XG: variants seen among roughly 807,000 people sequenced by gnomAD.
XG encodes the protein Xg glycoprotein (Xg blood group).
XG carries 24 observed loss-of-function variants against 25.7 expected under a neutral mutation model. That is an observed-to-expected ratio of 0.93 (90% CI 0.68 to 1.31). The LOEUF is 1.31. XG is among the 40% of genes most tolerant of loss of function. XG has a pLI of 0.00. For missense variants in XG, 181 were observed against 187.6 expected (o/e 0.96, Z 0.21); for synonymous variants, 77 against 69.2 (o/e 1.11, Z -0.56).
intron 7 of XG, among the ~76,000 whole-genome samples, chrX:2,798,625 C>T (rs1402873312): frequency 9.0e-6 from 1 of 111,225 alleles, no homozygotes; most frequent in East Asian, 2.8e-4. Context: ...TCTGCCTCAG[C>T]CTCCCAAAGT....
chrX:2,788,987 T>C (rs1193025790), intron 4 of XG, among the ~76,000 whole-genome samples: 1 of 111,468 alleles, frequency 9.0e-6, no homozygotes, highest in Non-Finnish European at 1.9e-5. Context: ...TTCCAGCTCT[T>C]TGGGAAGGCA....
intron 4 of XG, among the ~76,000 whole-genome samples, chrX:2,782,697 C>CA (rs765991041): frequency 1.7e-4 from 19 of 111,439 alleles, no homozygotes; most frequent in Non-Finnish European, 3.4e-4. Context: ...CCATCCAGTG[C>CA]AGAGGCTGCA....
chrX:2,767,779 T>C (rs2050732220), intron 1 of XG, among the ~76,000 whole-genome samples: 1 of 152,212 alleles, frequency 6.6e-6, no homozygotes, highest in Non-Finnish European at 1.5e-5. Context: ...GACTGGAGAC[T>C]GTCTCAGTGC....
rs373377877 is a variant in XG, at chrX:2,772,268, A to G, written c.103+1677A>G. Among the ~76,000 whole-genome samples the G allele has an allele frequency of 1.2e-3, 183 of 152,290 alleles. 2 individuals carry two copies. The highest frequency in any genetic ancestry group is 4.2e-3 in the African/African-American group (173 of 41,556). On this transcript the variant is annotated intron_variant, in intron 2 of 10. Coordinates refer to ENST00000644266, the MANE Select transcript of XG (RefSeq NM_001141919.2). ...GACTCAAACAGTTATTTGTGTACCC[A>G]TGTTTGCAGCAGCAATATTCACAAT... is the stretch of plus-strand genomic sequence containing the variant.
intron 7 of XG, among the ~76,000 whole-genome samples, chrX:2,797,594 A>T (rs1171513594): frequency 1.8e-5 from 2 of 110,320 alleles, no homozygotes; most frequent in Non-Finnish European, 3.8e-5. Context: ...ATGCACACAC[A>T]CACACACACA....
At chrX:2,795,067 T>C (rs1158132888) in intron 6 of XG, among the ~76,000 whole-genome samples, 1 of 110,342 alleles carries the variant, frequency 9.1e-6, no homozygotes. Context: ...TTCATGTGTG[T>C]ATATACATGC....
chrX:2,789,367 G>C (rs1328135865), intron 4 of XG, among the ~76,000 whole-genome samples: 1 of 112,419 alleles, frequency 8.9e-6, no homozygotes, highest in African/African-American at 3.2e-5. Flanking sequence ...GCTGGCATCT[G>C]TAGTAGCCCT....
Position 2,814,378 on chromosome X carries a change from T to G in XG, c.586T>G (p.Ter196GlyextTer3). 1 of 1,207,321 alleles carries G rather than the reference T, an allele frequency of 8.3e-7. No individual in the cohort carries two copies. The highest frequency in any genetic ancestry group is 2.2e-5 in the Admixed American group (1 of 45,050). ...CTTCCTTTCAGAACCAGAAAATGTCTGAAGATGTTAAGATCCCCTGATTAC... is the reference window on the plus strand; with the variant it reads ...CTTCCTTTCAGAACCAGAAAATGTCGGAAGATGTTAAGATCCCCTGATTAC... ...CFRTHEPENV[*>G] Residue 196 changes from the stop codon to glycine, a stop_lost, in exon 11 of 11, where the codon TGA (stop) becomes GGA (glycine). Transcript: ENST00000644266.
intron 1 of XG, among the ~76,000 whole-genome samples, chrX:2,768,961 C>T (rs2050757072): frequency 6.6e-6 from 1 of 152,142 alleles, no homozygotes. Flanking sequence ...CCTGTGATGG[C>T]ACCGCCAGCT....
Position 2,757,740 on chromosome X carries a change from G to A in XG, c.61+5405G>A, listed in dbSNP as rs757236730. Among the ~76,000 whole-genome samples, 5 of 152,036 alleles carry A rather than the reference G, an allele frequency of 3.3e-5. No individual in the cohort carries two copies. In the East Asian group the frequency reaches 7.8e-4, roughly 24 times the overall value. On this transcript the variant is annotated intron_variant, in intron 1 of 10. Transcript: ENST00000644266. ...TAATCCCAGCAGTTTGGGAGGCCGA[G>A]TTGGGCAGATCACTTGAGGTCAGGA...
At chrX:2,806,398 C>CT (rs56092146) in intron 7 of XG, among the ~76,000 whole-genome samples, 2 of 109,868 alleles carry the variant, frequency 1.8e-5, no homozygotes. Context: ...ATCCTATTCT[C>CT]TTTTTTTTTA....
At chrX:2,811,236 C>T (rs1219979138) in intron 9 of XG, 100 bp from the exon 10 acceptor site, 18 of 600,049 alleles carry the variant, frequency 3.0e-5, no homozygotes, top group Non-Finnish European at 4.6e-5. Context: ...CTTTCAATGG[C>T]AAAAACCGCA....
intron 1 of XG, among the ~76,000 whole-genome samples, chrX:2,766,432 C>A (rs750185734): frequency 1.4e-4 from 21 of 151,924 alleles, no homozygotes; most frequent in Non-Finnish European, 2.9e-4. Context: ...AGCCACCGCA[C>A]CCGGCCTCTT....
chrX:2,766,947 C>T (rs767455796), intron 1 of XG, among the ~76,000 whole-genome samples: 15 of 152,050 alleles, frequency 9.9e-5, no homozygotes, highest in African/African-American at 4.8e-5. Context: ...GGGGGAAAGG[C>T]GTTCTTGTTT....
intron 1 of XG, among the ~76,000 whole-genome samples, chrX:2,764,326 C>A (rs1472945981): frequency 6.6e-6 from 1 of 152,156 alleles, no homozygotes. Context: ...ATTCTTTATT[C>A]CTCTGCTTTT....
intron 1 of XG, among the ~76,000 whole-genome samples, chrX:2,754,963 G>A (rs1183201969): frequency 1.3e-5 from 2 of 152,142 alleles, no homozygotes; most frequent in Non-Finnish European, 2.9e-5. Flanking sequence ...ACAGATATGG[G>A]TAAACTGAGG....
chrX:2,756,869 G>A (rs1226387244), intron 1 of XG, among the ~76,000 whole-genome samples: 4 of 152,126 alleles, frequency 2.6e-5, no homozygotes, highest in East Asian at 1.9e-4. Flanking sequence ...GGGTGCCTGC[G>A]ACCCCCGAAG....
intron 4 of XG, 118 bp downstream of exon 4, chrX:2,782,246 TG>T (rs2086736904): frequency 1.2e-6 from 1 of 814,733 alleles, no homozygotes; most frequent in Non-Finnish European, 1.8e-6. Context: ...GCTCCCTTAC[TG>T]GGAATGTAGT....
In XG at chrX:2,806,863, C is replaced by T. The variant is rs1178740068; in HGVS notation, c.418+118C>T. 6 of 577,659 alleles carry T rather than the reference C, an allele frequency of 1.0e-5. No homozygotes were observed. The East Asian group carries it at 2.2e-4, about 21-fold the overall frequency. The allele number at this position is 577,659 out of a possible 1,213,427, so 47.6% of individuals were successfully genotyped here. On this transcript the variant is annotated intron_variant, in intron 8 of 10. Transcript: ENST00000644266. ...TTCATCCAGTGCACAACCAACTGGC[C>T]GTTCGAGTCTCTCATTTGCATTTTC...
Sources: gnomAD v4.1 joint callset for allele counts (sites outside exome capture counted in the v4.1 genomes callset) on GRCh38, gnomAD v4.1.1 for gene constraint, MANE v1.5 for transcripts, NCBI Gene and HGNC (gene_info 2026-07-23, HGNC 2026-07-21) for gene names.